Variants in TRIM44 observed in about 807,000 individuals in gnomAD.
The protein encoded by TRIM44 is tripartite motif-containing protein 44.
A neutral mutation model predicts 37.4 loss-of-function variants in TRIM44; 13 were observed. That is an observed-to-expected ratio of 0.35 (90% CI 0.23 to 0.55). TRIM44 has a LOEUF of 0.55. Ranked by LOEUF, TRIM44 falls within the 20% of genes least tolerant of loss-of-function variation. TRIM44 has a pLI of 0.89. For missense variants in TRIM44, 426 were observed against 437.2 expected, an observed-to-expected ratio of 0.97 and a Z score of 0.23; for synonymous variants, 175 against 157.2, an observed-to-expected ratio of 1.11 and a Z score of -0.85.
intron 4 of TRIM44, among the ~76,000 whole-genome samples, chr11:35,745,387 T>C (rs1235193943): frequency 1.3e-5 from 2 of 152,206 alleles, no homozygotes; most frequent in Non-Finnish European, 2.9e-5. Flanking sequence ...GTAAATTTGT[T>C]TAAGTTCCAT....
chr11:35,805,585 C>CCCT (rs1402935651), intron 4 of TRIM44, among the ~76,000 whole-genome samples: 5 of 152,178 alleles, frequency 3.3e-5, no homozygotes, highest in African/African-American at 1.2e-4. Flanking sequence ...CTGTGTCCAT[C>CCCT]CCTCCCTCCC....
chr11:35,751,290 G>T lies in TRIM44; in HGVS notation c.1007+15845G>T, dbSNP rs1758355827. Among the ~76,000 whole-genome samples, 5 of 152,282 alleles carry T rather than the reference G, an allele frequency of 3.3e-5. No individual in the cohort carries two copies. In the South Asian group the frequency reaches 1.0e-3, roughly 32 times the overall value. ...GCTAATACATGTTTATCATATGTTG[G>T]GAAGAACCAAGAAAACATTTTACAA... On this transcript the variant is annotated intron_variant, in intron 4 of 4. Transcript: ENST00000299413.
intron 2 of TRIM44, among the ~76,000 whole-genome samples, chr11:35,688,532 C>G (rs1283055694): frequency 1.3e-5 from 2 of 152,084 alleles, no homozygotes; most frequent in Non-Finnish European, 2.9e-5. Context: ...TTTCAAAATT[C>G]TTTTACAAAA....
At chr11:35,732,003 T>C (rs1029445382) in intron 3 of TRIM44, among the ~76,000 whole-genome samples, 1 of 152,200 alleles carries the variant, frequency 6.6e-6, no homozygotes, top group Admixed American at 6.5e-5. Flanking sequence ...GGTGATACCA[T>C]TCAAAGCAAG....
At chr11:35,686,368 G>GTTTTTT (rs201505822) in intron 2 of TRIM44, among the ~76,000 whole-genome samples, 1 of 143,562 alleles carries the variant, frequency 7.0e-6, no homozygotes, top group African/African-American at 2.6e-5. Context: ...TTTTGTTTTT[G>GTTTTTT]TTTTTGTTTT....
intron 4 of TRIM44, among the ~76,000 whole-genome samples, chr11:35,736,594 C>CA (rs1486015116): frequency 6.6e-6 from 1 of 152,102 alleles, no homozygotes; most frequent in African/African-American, 2.4e-5. Context: ...TTCTTAGCGC[C>CA]AAATGTTGTC....
At position 35,707,400 on chromosome 11, in the gene TRIM44, T is replaced by G. The variant is rs552244953; in HGVS notation, c.748-18524T>G. On this transcript the variant is annotated intron_variant, in intron 2 of 4. Transcript: ENST00000299413. Reference sequence around the variant, plus strand: ...GCTACCAATGACTTTCTTCACAGAATTGGAAAAAACTACTTTAAAGTTCAT... The same window carrying G: ...GCTACCAATGACTTTCTTCACAGAAGTGGAAAAAACTACTTTAAAGTTCAT... Among the ~76,000 whole-genome samples the G allele has an allele frequency of 2.1e-3, 321 of 152,178 alleles. 1 individual carries two copies. The highest frequency in any genetic ancestry group is 7.5e-3 in the African/African-American group (310 of 41,532).
intron 4 of TRIM44, among the ~76,000 whole-genome samples, chr11:35,803,289 AT>A (rs377375179): frequency 8.3e-4 from 123 of 148,852 alleles, no homozygotes; most frequent in Non-Finnish European, 7.8e-4. Flanking sequence ...AAAAAAAAAA[AT>A]GAAACAGCCA....
chr11:35,793,594 G>A (rs1396887207), intron 4 of TRIM44, among the ~76,000 whole-genome samples: 1 of 152,080 alleles, frequency 6.6e-6, no homozygotes, highest in Non-Finnish European at 1.5e-5. Flanking sequence ...CGAGTAATTG[G>A]TGCCCAGACT....
intron 3 of TRIM44, among the ~76,000 whole-genome samples, chr11:35,728,597 C>G (rs1184797520): frequency 1.3e-5 from 2 of 152,192 alleles, no homozygotes; most frequent in African/African-American, 4.8e-5. Flanking sequence ...TCCAGTTAAT[C>G]TGGTAACTTA....
Position 35,811,590 on chromosome 11 carries a change from A to T in TRIM44, c.*5205A>T, listed in dbSNP as rs1174113842. On this transcript the variant is annotated 3_prime_UTR_variant, in exon 5 of 5. Transcript: ENST00000299413. ...GCTGGTTTGAAGGACCAGAGGTTGC[A>T]TTGAAATCAGAAGTCATATACTCAG... The T allele has an allele frequency of 6.6e-6, 1 of 152,202 alleles. No individual in the cohort carries two copies. The highest frequency in any genetic ancestry group is 1.5e-5 in the Non-Finnish European group (1 of 68,036). 9.4% of individuals were successfully genotyped at this position (152,202 alleles called of 1,614,324 possible). A position where few individuals can be genotyped will look rare whatever the true frequency, so the allele number is the denominator to read the frequency against.
chr11:35,668,868 G>A (rs1851361127), intron 1 of TRIM44, among the ~76,000 whole-genome samples: 1 of 151,960 alleles, frequency 6.6e-6, no homozygotes, highest in Non-Finnish European at 1.5e-5. Context: ...TCAGACGTTT[G>A]TCCATTTTAT....
At chr11:35,725,101 CA>C (rs1428393882) in intron 2 of TRIM44, among the ~76,000 whole-genome samples, 4 of 151,522 alleles carry the variant, frequency 2.6e-5, no homozygotes, top group South Asian at 2.1e-4. Flanking sequence ...CACACACACA[CA>C]CACCCTCCAT....
chr11:35,764,032 C>G, intron 4 of TRIM44, among the ~76,000 whole-genome samples: 1 of 152,166 alleles, frequency 6.6e-6, no homozygotes, highest in Non-Finnish European at 1.5e-5. Context: ...TTCCCCTATT[C>G]CCACATATCC....
intron 4 of TRIM44, among the ~76,000 whole-genome samples, chr11:35,776,761 G>A (rs1852971200): frequency 6.6e-6 from 1 of 152,158 alleles, no homozygotes; most frequent in African/African-American, 2.4e-5. Context: ...ATAGTTGAGT[G>A]GTTTTGAGTG....
chr11:35,817,424 TTTCTC>T lies in TRIM44; in HGVS notation c.*11043_*11047del, dbSNP rs1159052371. 5 of 152,150 alleles carry T rather than the reference TTTCTC, an allele frequency of 3.3e-5. No individual in the cohort carries two copies. The highest frequency in any genetic ancestry group is 9.7e-5 in the African/African-American group (4 of 41,434). The allele number at this position is 152,150 out of a possible 1,614,324, so 9.4% of individuals were successfully genotyped here. A position where few individuals can be genotyped will look rare whatever the true frequency, so the allele number is the denominator to read the frequency against. On this transcript the variant is annotated 3_prime_UTR_variant, in exon 5 of 5. Coordinates refer to ENST00000299413, the MANE Select transcript of TRIM44 (RefSeq NM_017583.6). Reference sequence around the variant, plus strand: ...GTCAGAGACATTGGAGGATCTCTCTTTTCTCTTCCACCTCTAACACGGTAAGATCT... The same window carrying T: ...GTCAGAGACATTGGAGGATCTCTCTTTTCCACCTCTAACACGGTAAGATCT...
chr11:35,722,110 C>T (rs1359717122), intron 2 of TRIM44, among the ~76,000 whole-genome samples: 2 of 152,162 alleles, frequency 1.3e-5, no homozygotes, highest in Non-Finnish European at 2.9e-5. Context: ...GTGTGGACAG[C>T]TTGTAGCATC....
At chr11:35,804,021 C>G (rs930327161) in intron 4 of TRIM44, among the ~76,000 whole-genome samples, 1 of 151,790 alleles carries the variant, frequency 6.6e-6, no homozygotes, top group Non-Finnish European at 1.5e-5. Context: ...CCTCCCTCCC[C>G]TGAGCCTGTA....
chr11:35,716,798 A>T (rs1486914339), intron 2 of TRIM44, among the ~76,000 whole-genome samples: 1 of 152,190 alleles, frequency 6.6e-6, no homozygotes. Flanking sequence ...CAGAAGGCAG[A>T]TTGTATAATC....
Sources: gnomAD v4.1 joint callset for allele counts (sites outside exome capture counted in the v4.1 genomes callset) on GRCh38, gnomAD v4.1.1 for gene constraint, MANE v1.5 for transcripts, NCBI Gene and HGNC (gene_info 2026-07-23, HGNC 2026-07-21) for gene names.